VPS26B: variants seen among roughly 807,000 people sequenced by gnomAD.
VPS26B encodes the protein VPS26 retromer complex component B, also known as vacuolar protein sorting-associated protein 26B.
VPS26B carries 10 observed loss-of-function variants against 33.3 expected under a neutral mutation model. The ratio of observed to expected loss-of-function variants is 0.30; its 90% CI spans 0.19 to 0.51. The LOEUF (loss-of-function observed/expected upper bound fraction) is 0.51. Ranked by LOEUF, VPS26B falls within the 20% of genes least tolerant of loss-of-function variation. VPS26B has a pLI of 0.98. For missense variants in VPS26B, 317 were observed against 452.7 expected, an observed-to-expected ratio of 0.70 and a Z score of 2.72; for synonymous variants, 190 against 176.9, an observed-to-expected ratio of 1.07 and a Z score of -0.59.
chr11:134,226,715 T>G (rs192326602), intron 1 of VPS26B, among the ~76,000 whole-genome samples: 6 of 152,278 alleles, frequency 3.9e-5, no homozygotes, highest in Admixed American at 2.0e-4. Context: ...AACTCTCTTA[T>G]CCTGAGAGTT....
In VPS26B at chr11:134,245,729, T is replaced by A; in HGVS notation, c.*139T>A. The A allele has an allele frequency of 8.2e-7, 1 of 1,212,212 alleles. No individual in the cohort carries two copies. Among genetic ancestry groups the A allele is most frequent in the Non-Finnish European group, 1.1e-6 (1 of 894,616 alleles). The allele number at this position is 1,212,212 out of a possible 1,614,324, so 75.1% of individuals were successfully genotyped here. A position where few individuals can be genotyped will look rare whatever the true frequency, so the allele number is the denominator to read the frequency against. On this transcript the variant is annotated 3_prime_UTR_variant, in exon 6 of 6. Coordinates refer to ENST00000281187, the MANE Select transcript of VPS26B (RefSeq NM_052875.5). This position sits in a 1 kb window ranked among gnomAD's most constrained non-coding sequence, Gnocchi z 4.7. ...CTGAAAACAAATCATGTTTTTGACT[T>A]AAATTCTTTTCTCTGGAGAACCCAA...
chr11:134,240,276 G>C lies in VPS26B; in HGVS notation c.545+121G>C. On this transcript the variant is annotated intron_variant, in intron 3 of 5. Coordinates refer to ENST00000281187, the MANE Select transcript of VPS26B (RefSeq NM_052875.5). The surrounding 1 kb of genome is among the most constrained non-coding windows in gnomAD (Gnocchi z 4.4). ...CTGCTTTGTGGTGGCATGCGGTGGG[G>C]GAAGACCGTGGGAGCAATCCAGTGA... 8.7e-7 allele frequency: 1 copy of C among 1,154,012 alleles called. No homozygotes were observed. Among genetic ancestry groups the C allele is most frequent in the Non-Finnish European group, 1.3e-6 (1 of 798,020 alleles). 71.5% of individuals were successfully genotyped at this position (1,154,012 alleles called of 1,614,324 possible). A position where few individuals can be genotyped will look rare whatever the true frequency, so the allele number is the denominator to read the frequency against.
intron 1 of VPS26B, among the ~76,000 whole-genome samples, chr11:134,230,588 G>C (rs1938543190): frequency 1.3e-5 from 2 of 152,312 alleles, no homozygotes; most frequent in Non-Finnish European, 2.9e-5. Context: ...GGGGAACTGG[G>C]ATAAGGAAGT....
At chr11:134,242,597 G>C (rs193156949) in intron 3 of VPS26B, among the ~76,000 whole-genome samples, 1 of 152,244 alleles carries the variant, frequency 6.6e-6, no homozygotes, top group Non-Finnish European at 1.5e-5. Flanking sequence ...CCAGGCCAGC[G>C]GAGCCCAGAA....
At chr11:134,226,125 G>A (rs1369375721) in intron 1 of VPS26B, among the ~76,000 whole-genome samples, 1 of 152,172 alleles carries the variant, frequency 6.6e-6, no homozygotes, top group Non-Finnish European at 1.5e-5. Flanking sequence ...ACAGCGCCAG[G>A]CACAGTGGCT....
At chr11:134,242,534 T>C (rs1393216177) in intron 3 of VPS26B, among the ~76,000 whole-genome samples, 2 of 152,234 alleles carry the variant, frequency 1.3e-5, no homozygotes, top group African/African-American at 4.8e-5. Context: ...GAAAAAACCC[T>C]GAGGGTCAGG....
At position 134,245,351 on chromosome 11, in the gene VPS26B, C is replaced by G. The variant is rs7950124; in HGVS notation, c.865-93C>G. On this transcript the variant is annotated intron_variant, in intron 5 of 5. Coordinates refer to ENST00000281187, the MANE Select transcript of VPS26B (RefSeq NM_052875.5). The surrounding 1 kb of genome is among the most constrained non-coding windows in gnomAD (Gnocchi z 4.7). ...GAGAGAAGCAGAGGAGGTCCTTGCC[C>G]GAGATTCCCCACGTCAAAGTTGGGA... 6,838 of 1,556,890 alleles carry G rather than the reference C, an allele frequency of 4.4e-3. 281 individuals are homozygous for G. In the African/African-American group the frequency reaches 0.081, roughly 18 times the overall value.
intron 1 of VPS26B, among the ~76,000 whole-genome samples, chr11:134,225,667 C>G (rs1394278792): frequency 1.3e-5 from 2 of 152,198 alleles, no homozygotes; most frequent in Non-Finnish European, 2.9e-5. Flanking sequence ...CTTCTTGTCC[C>G]CAGGATTTCT....
At chr11:134,241,805 G>T (rs746675471) in intron 3 of VPS26B, among the ~76,000 whole-genome samples, 3 of 152,238 alleles carry the variant, frequency 2.0e-5, no homozygotes, top group African/African-American at 7.2e-5. Context: ...GAGAACTCCA[G>T]ACTTGGAACC....
At chr11:134,236,510 C>G (rs922214937) in intron 2 of VPS26B, 8 of 152,106 alleles carry the variant, frequency 5.3e-5, no homozygotes, top group African/African-American at 1.9e-4. Context: ...ATCTGTACAC[C>G]CATATTCACA....
At chr11:134,234,216 T>G (rs1938598754) in intron 1 of VPS26B, among the ~76,000 whole-genome samples, 1 of 152,158 alleles carries the variant, frequency 6.6e-6, no homozygotes, top group Non-Finnish European at 1.5e-5. Context: ...CCTTTTGGAG[T>G]AATAACAGCA....
In VPS26B at chr11:134,239,978, C is replaced by G. The variant is rs1470389621; in HGVS notation, c.381-13C>G. On this transcript the variant is annotated splice_polypyrimidine_tract_variant and intron_variant, in intron 2 of 5. Coordinates refer to ENST00000281187, the MANE Select transcript of VPS26B (RefSeq NM_052875.5). ...CTGGGAGTGTTTATTCATGACAGTT[C>G]CGTCTCCTACAGCTATTTCCTTCGT... 6.2e-7 allele frequency: 1 copy of G among 1,613,990 alleles called. No homozygotes were observed.
Position 134,240,341 on chromosome 11 carries a change from C to T in VPS26B, c.545+186C>T, listed in dbSNP as rs1040759452. Among the ~76,000 whole-genome samples the T allele has an allele frequency of 2.6e-5, 4 of 152,154 alleles. No homozygotes were observed. Among genetic ancestry groups the T allele is most frequent in the Non-Finnish European group, 5.9e-5 (4 of 68,040 alleles). On this transcript the variant is annotated intron_variant, in intron 3 of 5. Transcript: ENST00000281187. This position sits in a 1 kb window ranked among gnomAD's most constrained non-coding sequence, Gnocchi z 4.4. ...CCAGCTGCAGCTGGACCGACCACGACGTAAACACTTCATTTACCTAAACTA... is the reference window on the plus strand; with the variant it reads ...CCAGCTGCAGCTGGACCGACCACGATGTAAACACTTCATTTACCTAAACTA...
In VPS26B at chr11:134,245,675, T is replaced by C. The variant is rs1938803677; in HGVS notation, c.*85T>C. The C allele has an allele frequency of 1.4e-6, 2 of 1,458,286 alleles. No individual in the cohort carries two copies. Among genetic ancestry groups the C allele is most frequent in the African/African-American group, 1.4e-5 (1 of 70,604 alleles). The allele number at this position is 1,458,286 out of a possible 1,614,324, so 90.3% of individuals were successfully genotyped here. ...CGGCTGGGGGCGGGGGCGGACCTTGTGAGGCTCAGTTGACCCGTTACTTGC... is the reference window on the plus strand; with the variant it reads ...CGGCTGGGGGCGGGGGCGGACCTTGCGAGGCTCAGTTGACCCGTTACTTGC... On this transcript the variant is annotated 3_prime_UTR_variant, in exon 6 of 6. Coordinates refer to ENST00000281187, the MANE Select transcript of VPS26B (RefSeq NM_052875.5). This position sits in a 1 kb window ranked among gnomAD's most constrained non-coding sequence, Gnocchi z 4.7.
In VPS26B at chr11:134,244,901, C is replaced by T; in HGVS notation, c.722-37C>T. 2.5e-6 allele frequency: 4 copies of T among 1,602,468 alleles called. No individual in the cohort carries two copies. The highest frequency in any genetic ancestry group is 2.5e-6 in the Non-Finnish European group (3 of 1,177,416). On this transcript the variant is annotated intron_variant, in intron 4 of 5. Transcript: ENST00000281187. The surrounding 1 kb of genome is among the most constrained non-coding windows in gnomAD (Gnocchi z 4.0). The stretch of plus-strand genomic sequence containing the variant: ...CCTGGTATAAGGGAGAGGGCATCAC[C>T]TTGCCCCCTGTGCTGACTCCTGCCC...
In VPS26B at chr11:134,240,238, C is replaced by T; in HGVS notation, c.545+83C>T. ...TTGATGCAGATGCAAACTGATGACC[C>T]TCTGTGACTCGACTGCTTTGTGGTG... is the stretch of plus-strand genomic sequence containing the variant. On this transcript the variant is annotated intron_variant, in intron 3 of 5. Transcript: ENST00000281187. The surrounding 1 kb of genome is among the most constrained non-coding windows in gnomAD (Gnocchi z 4.4). The T allele has an allele frequency of 6.8e-7, 1 of 1,476,456 alleles. No individual in the cohort carries two copies. Among genetic ancestry groups the T allele is most frequent in the Non-Finnish European group, 9.3e-7 (1 of 1,071,068 alleles). 91.5% of individuals were successfully genotyped at this position (1,476,456 alleles called of 1,614,324 possible).
chr11:134,235,990 T>C (rs1938626589), intron 2 of VPS26B, among the ~76,000 whole-genome samples: 1 of 152,112 alleles, frequency 6.6e-6, no homozygotes, highest in Non-Finnish European at 1.5e-5. Context: ...CCACAAGACC[T>C]TTAACTTCTT....
intron 3 of VPS26B, 26 bp from the exon 4 acceptor site, chr11:134,243,093 T>TA (rs1267792135): frequency 6.2e-7 from 1 of 1,612,950 alleles, no homozygotes; most frequent in Admixed American, 1.7e-5. Context: ...ACCAACATCT[T>TA]ACTTTCTGTA....
rs1483593461 is a variant in VPS26B, at chr11:134,240,051, T to C, written c.441T>C (p.Ile147=). The C allele has an allele frequency of 1.2e-6, 2 of 1,614,154 alleles. No homozygotes were observed. Among genetic ancestry groups the C allele is most frequent in the East Asian group, 4.5e-5 (2 of 44,886 alleles). Residue 147 remains isoleucine, a synonymous_variant, in exon 3 of 6, where the codon ATT becomes ATC. Transcript: ENST00000281187. The surrounding 1 kb of genome is among the most constrained non-coding windows in gnomAD (Gnocchi z 4.4). ...RLNDVVKEMD[I]VVHTLSTYPE... Reference sequence around the variant, plus strand: ...ATGATGTTGTCAAAGAGATGGACATTGTAGTTCACACACTCAGCACATACC... The same window carrying C: ...ATGATGTTGTCAAAGAGATGGACATCGTAGTTCACACACTCAGCACATACC...
Sources: gnomAD v4.1 joint callset for allele counts (sites outside exome capture counted in the v4.1 genomes callset) on GRCh38, gnomAD v4.1.1 for gene constraint, Gnocchi (gnomAD v3.1) non-coding constraint, MANE v1.5 for transcripts, NCBI Gene and HGNC (gene_info 2026-07-23, HGNC 2026-07-21) for gene names.